ARHGEF28: variants seen among roughly 807,000 people sequenced by gnomAD.
The protein encoded by ARHGEF28 is 190 kDa guanine nucleotide exchange factor.
ARHGEF28 carries 152 observed loss-of-function variants against 206.6 expected under a neutral mutation model. The ratio of observed to expected loss-of-function variants is 0.74; its 90% CI spans 0.64 to 0.84. The LOEUF is 0.84. Among genes scored for constraint, ARHGEF28 ranks in the 40% least tolerant of loss-of-function variants. The pLI, the probability that ARHGEF28 is intolerant of heterozygous loss-of-function variation, is 0.00. For synonymous variants in ARHGEF28, 763 were observed against 776.4 expected, an observed-to-expected ratio of 0.98 and a Z score of 0.29; for missense variants, 2,028 against 2,073.2, an observed-to-expected ratio of 0.98 and a Z score of 0.42.
At position 73,626,389 on chromosome 5, in the gene ARHGEF28, C is replaced by T. The variant is rs1245750827; in HGVS notation, c.-12+67C>T. On this transcript the variant is annotated intron_variant, in intron 1 of 35. Transcript: ENST00000513042. ...GCTCTGGGCGGAAAAGTTTGTCCAC[C>T]TGAGTTCGCATCCGCAGGGCCACTT... 4 of 152,362 alleles carry T rather than the reference C, an allele frequency of 2.6e-5. No individual in the cohort carries two copies. In the East Asian group the frequency reaches 7.8e-4, roughly 30 times the overall value. The allele number at this position is 152,362 out of a possible 1,614,324, so 9.4% of individuals were successfully genotyped here. A position where few individuals can be genotyped will look rare whatever the true frequency, so the allele number is the denominator to read the frequency against.
intron 1 of ARHGEF28, among the ~76,000 whole-genome samples, chr5:73,663,997 A>G (rs1580455990): frequency 2.0e-5 from 3 of 152,082 alleles, no homozygotes; most frequent in South Asian, 4.1e-4. Context: ...CAGTTCTCAC[A>G]TTGTTTCTCC....
At chr5:73,865,895 CTA>C in intron 17 of ARHGEF28, 68 bp from the exon 18 acceptor site, 1 of 1,112,568 alleles carries the variant, frequency 9.0e-7, no homozygotes, top group Middle Eastern at 2.2e-4. Context: ...TTCTGTGTAA[CTA>C]TGTGGATATT....
chr5:73,911,039 A>C (rs907705438), intron 34 of ARHGEF28, among the ~76,000 whole-genome samples: 2 of 152,318 alleles, frequency 1.3e-5, no homozygotes, highest in African/African-American at 2.4e-5. Context: ...CTTTAATGTC[A>C]TAGAGTGCCA....
intron 30 of ARHGEF28, chr5:73,900,781 C>G (rs1284090906): frequency 6.0e-6 from 1 of 166,826 alleles, no homozygotes; most frequent in African/African-American, 2.4e-5. Flanking sequence ...TTTTTACAGA[C>G]TTAAGTCTGC....
At chr5:73,835,854 C>T (rs1266048347) in intron 10 of ARHGEF28, among the ~76,000 whole-genome samples, 3 of 152,024 alleles carry the variant, frequency 2.0e-5, no homozygotes, top group African/African-American at 7.3e-5. Flanking sequence ...GTCGATAGTG[C>T]CAGAATTGAA....
At chr5:73,823,446 G>T (rs1756713239) in intron 9 of ARHGEF28, among the ~76,000 whole-genome samples, 2 of 152,176 alleles carry the variant, frequency 1.3e-5, no homozygotes, top group South Asian at 4.1e-4. Context: ...ATTACAGATA[G>T]TAAAGAGTTG....
intron 10 of ARHGEF28, among the ~76,000 whole-genome samples, chr5:73,834,542 CTGTGTGTGTGTGTGTGTGTGTGTGTGTG>C (rs34258155): frequency 3.4e-5 from 5 of 146,214 alleles, no homozygotes; most frequent in Admixed American, 2.0e-4. Flanking sequence ...AATAATATTC[CTGTGTGTGTGTGTGTGTGTGTGTGTGTG>C]TGTGCATGTG....
intron 2 of ARHGEF28, among the ~76,000 whole-genome samples, chr5:73,747,952 G>A (rs926741160): frequency 6.6e-6 from 1 of 152,130 alleles, no homozygotes; most frequent in African/African-American, 2.4e-5. Context: ...TATGATCGTT[G>A]TTTTGAATAG....
intron 4 of ARHGEF28, among the ~76,000 whole-genome samples, chr5:73,769,841 A>G (rs934326079): frequency 1.2e-4 from 18 of 152,220 alleles, no homozygotes; most frequent in Non-Finnish European, 2.4e-4. Context: ...CATTTTAAGA[A>G]CAGGTTTAGG....
intron 1 of ARHGEF28, among the ~76,000 whole-genome samples, chr5:73,649,842 G>A (rs1744686103): frequency 6.6e-6 from 1 of 152,190 alleles, no homozygotes; most frequent in Non-Finnish European, 1.5e-5. Context: ...GTGAGTGGTG[G>A]CAAAGAAAGG....
At chr5:73,661,510 C>T (rs531119957) in intron 1 of ARHGEF28, among the ~76,000 whole-genome samples, 2 of 152,136 alleles carry the variant, frequency 1.3e-5, no homozygotes, top group African/African-American at 4.8e-5. Flanking sequence ...GCACAAGAGG[C>T]CTGCTTTCAG....
rs146042069 is a variant in ARHGEF28, at chr5:73,926,489, T to TC, written c.4949-14348dup. 3.1e-3 allele frequency among the ~76,000 whole-genome samples: 473 copies of TC among 151,980 alleles called. 15 individuals carry two copies. In the East Asian group the frequency reaches 0.067, roughly 21 times the overall value. ...AGACCCTCCCAAACCTCCTTTTTCA[T>TC]CCCCCCCTACCCTTTGGTTCACCTG... On this transcript the variant is annotated intron_variant, in intron 35 of 35. Transcript: ENST00000513042.
intron 35 of ARHGEF28, among the ~76,000 whole-genome samples, chr5:73,936,768 A>C (rs1480226073): frequency 6.6e-6 from 1 of 152,124 alleles, no homozygotes; most frequent in Non-Finnish European, 1.5e-5. Context: ...GGGTCTCACT[A>C]TGTTGCCCAG....
chr5:73,780,861 G>T, intron 7 of ARHGEF28, 116 bp downstream of exon 7: 1 of 1,105,868 alleles, frequency 9.0e-7, no homozygotes, highest in Non-Finnish European at 1.3e-6. Flanking sequence ...TCAGAGGCAA[G>T]ATCAGGGGTG....
chr5:73,887,701 G>A, intron 26 of ARHGEF28, 22 bp downstream of exon 26: 3 of 1,519,342 alleles, frequency 2.0e-6, no homozygotes, highest in Non-Finnish European at 2.6e-6. Context: ...ACTGTGTGAT[G>A]TATTTAAAAA....
Position 73,909,789 on chromosome 5 carries a change from G to A in ARHGEF28, c.4539G>A (p.Leu1513=). ...SLERLREGQR[L]VEREQARMRA... is the part of the protein sequence containing the mutation. ...AGCGGCTGAGGGAGGGCCAGCGCCT[G>A]GTGGAGAGGGAGCAGGCGAGGATGC... The change falls in exon 34 of 36, where the codon CTG becomes CTA. Residue 1513 remains leucine, a synonymous_variant. Transcript: ENST00000513042. The A allele has an allele frequency of 6.6e-7, 1 of 1,524,792 alleles. No homozygotes were observed. Among genetic ancestry groups the A allele is most frequent in the Non-Finnish European group, 8.8e-7 (1 of 1,141,868 alleles). 94.5% of individuals were successfully genotyped at this position (1,524,792 alleles called of 1,614,324 possible).
chr5:73,632,515 C>G (rs1476290018), intron 1 of ARHGEF28, among the ~76,000 whole-genome samples: 1 of 152,196 alleles, frequency 6.6e-6, no homozygotes, highest in East Asian at 1.9e-4. Context: ...AAAGCTTAGA[C>G]TTTTAAAAAC....
At chr5:73,790,730 G>A (rs554769455) in intron 7 of ARHGEF28, among the ~76,000 whole-genome samples, 9 of 151,068 alleles carry the variant, frequency 6.0e-5, no homozygotes, top group African/African-American at 2.2e-4. Context: ...AACTTTCAAA[G>A]TGTGACAACA....
intron 4 of ARHGEF28, among the ~76,000 whole-genome samples, chr5:73,773,290 A>C (rs1043058319): frequency 6.6e-6 from 1 of 152,186 alleles, no homozygotes; most frequent in African/African-American, 2.4e-5. Flanking sequence ...TGGCTTTGGC[A>C]ATATTGACAT....
Sources: allele counts gnomAD v4.1 joint callset (sites outside exome capture counted in the v4.1 genomes callset), GRCh38; gene constraint gnomAD v4.1.1; transcripts MANE v1.5; gene names NCBI Gene and HGNC (gene_info 2026-07-23, HGNC 2026-07-21).